Variants in JAKMIP3 observed in about 807,000 individuals in gnomAD.
The protein encoded by JAKMIP3 is Janus kinase and microtubule interacting protein 3, also known as janus kinase and microtubule-interacting protein 3.
In JAKMIP3, 58 loss-of-function variants were observed where a neutral mutation model predicts 118.5. The observed-to-expected ratio is 0.49, with a 90% CI of 0.40 to 0.61. The LOEUF is 0.61. Among genes scored for constraint, JAKMIP3 ranks in the 20% least tolerant of loss-of-function variants. The pLI is 0.00. For synonymous variants in JAKMIP3, 486 were observed against 451.2 expected, an observed-to-expected ratio of 1.08 and a Z score of -0.98; for missense variants, 950 against 1,109.0, an observed-to-expected ratio of 0.86 and a Z score of 2.04.
intron 9 of JAKMIP3, 65 bp downstream of exon 9, chr10:132,138,243 G>A (rs1001904084): frequency 1.1e-5 from 16 of 1,424,532 alleles, no homozygotes; most frequent in South Asian, 4.9e-5. Context: ...GACCACGCCC[G>A]CGTGTGTGGA....
rs1444508861 is a variant in JAKMIP3, at chr10:132,180,550, CGTGCATGCGT to C, written c.*1104-1803_*1104-1794del. 5.5e-3 allele frequency among the ~76,000 whole-genome samples: 35 copies of C among 6,358 alleles called. 3 individuals are homozygous for C. The highest frequency in any genetic ancestry group is 0.034 in the Admixed American group (15 of 442). The allele number at this position is 6,358 out of a possible 152,430, so 4.2% of individuals were successfully genotyped here. On this transcript the variant is annotated intron_variant, in intron 23 of 23. Coordinates refer to ENST00000684848, the MANE Select transcript of JAKMIP3 (RefSeq NM_001323087.2). The stretch of plus-strand genomic sequence containing the variant: ...GTGTGTGTGTGTGTGTGTGTGCGTG[CGTGCATGCGT>C]GTGTGTGCGTGTGTGTGTGCGTGCG...
intron 23 of JAKMIP3, among the ~76,000 whole-genome samples, chr10:132,178,431 A>C (rs1443310033): frequency 1.3e-5 from 2 of 151,044 alleles, no homozygotes; most frequent in East Asian, 3.8e-4. Context: ...TCAGAGCTTC[A>C]AGAAAAAAAT....
chr10:132,142,540 G>A (rs921803251), intron 11 of JAKMIP3, among the ~76,000 whole-genome samples: 4 of 150,996 alleles, frequency 2.6e-5, no homozygotes, highest in African/African-American at 5.0e-5. Context: ...CCCAGCAGCC[G>A]TGTCCCTCCG....
chr10:132,121,921 T>G (rs571589633), intron 3 of JAKMIP3, among the ~76,000 whole-genome samples: 1 of 152,106 alleles, frequency 6.6e-6, no homozygotes, highest in East Asian at 1.9e-4. Context: ...GAGTCCTGGG[T>G]GTTCAGCACA....
chr10:132,148,163 C>CT (rs1422679881), intron 14 of JAKMIP3, 113 bp downstream of exon 14: 4 of 371,934 alleles, frequency 1.1e-5, no homozygotes, highest in Non-Finnish European at 1.9e-5. Context: ...AACATGAACC[C>CT]AAAAGGCTGC....
At position 132,044,704 on chromosome 10, in the gene JAKMIP3, C is replaced by T. The variant is rs552937195; in HGVS notation, c.-138+7966C>T. The stretch of plus-strand genomic sequence containing the variant: ...GCGAAATACACATACAAGTCACCAT[C>T]TGAACCATTTTTAGGTGTGCGGCTC... On this transcript the variant is annotated intron_variant, in intron 1 of 23. Coordinates refer to the JAKMIP3 transcript ENST00000657785. This position sits in a 1 kb window ranked among gnomAD's most constrained non-coding sequence, Gnocchi z 5.3. Among the ~76,000 whole-genome samples the T allele has an allele frequency of 1.3e-5, 2 of 152,256 alleles. No homozygotes were observed. Among genetic ancestry groups the T allele is most frequent in the South Asian group, 4.2e-4 (2 of 4,816 alleles).
chr10:132,152,444 C>G (rs1415939560), intron 16 of JAKMIP3, among the ~76,000 whole-genome samples: 1 of 152,198 alleles, frequency 6.6e-6, no homozygotes, highest in Non-Finnish European at 1.5e-5. Context: ...CCCAGGGGCC[C>G]CTCGGTTGGG....
rs1372310379 is a variant in JAKMIP3 at position 132,044,703 on chromosome 10, T to C, written c.-138+7965T>C. Among the ~76,000 whole-genome samples, 1 of 152,120 alleles carries C rather than the reference T, an allele frequency of 6.6e-6. No individual in the cohort carries two copies. The highest frequency in any genetic ancestry group is 6.5e-5 in the Admixed American group (1 of 15,268). ...GGCGAAATACACATACAAGTCACCA[T>C]CTGAACCATTTTTAGGTGTGCGGCT... On this transcript the variant is annotated intron_variant, in intron 1 of 23. Coordinates refer to the JAKMIP3 transcript ENST00000657785. This position sits in a 1 kb window ranked among gnomAD's most constrained non-coding sequence, Gnocchi z 5.3.
chr10:132,037,504 C>T (rs1011181036), intron 1 of JAKMIP3, among the ~76,000 whole-genome samples: 1 of 152,154 alleles, frequency 6.6e-6, no homozygotes, highest in African/African-American at 2.4e-5. Context: ...TTGGGGAAGC[C>T]TCCCTCCACC....
In JAKMIP3 at chr10:132,140,981, G is replaced by T. The variant is rs142066900; in HGVS notation, c.1473+402G>T. Reference sequence around the variant, plus strand: ...GTCTCAGTGCCAAGAGCACATTAGGGTGAGGGGTGTTGAGCAGGAGTTTTC... The same window carrying T: ...GTCTCAGTGCCAAGAGCACATTAGGTTGAGGGGTGTTGAGCAGGAGTTTTC... On this transcript the variant is annotated intron_variant, in intron 10 of 23. Coordinates refer to ENST00000684848, the MANE Select transcript of JAKMIP3 (RefSeq NM_001323087.2). 5.3e-4 allele frequency among the ~76,000 whole-genome samples: 80 copies of T among 152,346 alleles called. No homozygotes were observed. In the East Asian group the frequency reaches 0.015, roughly 29 times the overall value.
chr10:132,059,382 G>A (rs1479905361), intron 1 of JAKMIP3, among the ~76,000 whole-genome samples: 1 of 152,250 alleles, frequency 6.6e-6, no homozygotes, highest in Non-Finnish European at 1.5e-5. Context: ...CCATTTTATT[G>A]GAGATGAAGG....
intron 20 of JAKMIP3, 78 bp downstream of exon 20, chr10:132,163,490 G>A (rs1231406877): frequency 1.9e-5 from 25 of 1,318,224 alleles, no homozygotes; most frequent in Non-Finnish European, 1.8e-5. Flanking sequence ...TCCTCCCACG[G>A]CCACACCTCC....
chr10:132,166,685 G>A (rs1017248336), intron 21 of JAKMIP3, among the ~76,000 whole-genome samples: 2 of 152,220 alleles, frequency 1.3e-5, no homozygotes, highest in Non-Finnish European at 2.9e-5. Context: ...CAGTCCCCGG[G>A]AGGCTGGCCT....
At chr10:132,095,600 A>G (rs941382588) in intron 1 of JAKMIP3, among the ~76,000 whole-genome samples, 5 of 152,172 alleles carry the variant, frequency 3.3e-5, no homozygotes, top group Admixed American at 1.3e-4. Flanking sequence ...TGCTACCTTC[A>G]GAGGGTCTGG....
chr10:132,085,917 G>A (rs2042340997), intron 1 of JAKMIP3, among the ~76,000 whole-genome samples: 3 of 151,964 alleles, frequency 2.0e-5, no homozygotes, highest in Non-Finnish European at 2.9e-5. Context: ...GCTGGGTTTG[G>A]GTTTGGTTTG....
rs2055806455 is a variant in JAKMIP3 at position 132,150,135 on chromosome 10, G to GCCCTGCCATGGGCCA, written c.2007+102_2007+116dup. ...CAGGAGGCCCTGCCAGCCTCCCACAGCCCTGCCATGGGCCACCCTGCCTGA... is the reference window on the plus strand; with the variant it reads ...CAGGAGGCCCTGCCAGCCTCCCACAGCCCTGCCATGGGCCACCCTGCCATGGGCCACCCTGCCTGA... On this transcript the variant is annotated intron_variant, in intron 16 of 23. Coordinates refer to ENST00000684848, the MANE Select transcript of JAKMIP3 (RefSeq NM_001323087.2). 7 of 1,000,958 alleles carry GCCCTGCCATGGGCCA rather than the reference G, an allele frequency of 7.0e-6. No individual in the cohort carries two copies. In the East Asian group the frequency reaches 2.1e-4, roughly 31 times the overall value. 62.0% of individuals were successfully genotyped at this position (1,000,958 alleles called of 1,614,324 possible).
At chr10:132,109,486 G>A (rs539342306) in intron 2 of JAKMIP3, among the ~76,000 whole-genome samples, 33 of 152,224 alleles carry the variant, frequency 2.2e-4, no homozygotes, top group African/African-American at 6.7e-4. Flanking sequence ...CTGCGCGCCC[G>A]CAGAGAGGTG....
chr10:132,177,284 G>A (rs1452145566), intron 23 of JAKMIP3, among the ~76,000 whole-genome samples: 1 of 152,252 alleles, frequency 6.6e-6, no homozygotes, highest in African/African-American at 2.4e-5. Context: ...GCATCGCTGT[G>A]GAGGCCTGTG....
At position 132,118,143 on chromosome 10, in the gene JAKMIP3, C is replaced by T. The variant is rs1192300855; in HGVS notation, c.633+569C>T. ...CCTGAGGTCCCTGTCTCTGCAGAAC[C>T]GTTGCACTTGGGCTGGACCAGATGA... On this transcript the variant is annotated intron_variant, in intron 3 of 23. Coordinates refer to ENST00000684848, the MANE Select transcript of JAKMIP3 (RefSeq NM_001323087.2). This position sits in a 1 kb window ranked among gnomAD's most constrained non-coding sequence, Gnocchi z 4.8. 6.6e-6 allele frequency among the ~76,000 whole-genome samples: 1 copy of T among 152,108 alleles called. No individual in the cohort carries two copies. The highest frequency in any genetic ancestry group is 1.9e-4 in the East Asian group (1 of 5,184).
Sources: gnomAD v4.1 joint callset for allele counts (sites outside exome capture counted in the v4.1 genomes callset) on GRCh38, gnomAD v4.1.1 for gene constraint, Gnocchi (gnomAD v3.1) non-coding constraint, MANE v1.5 for transcripts, NCBI Gene and HGNC (gene_info 2026-07-23, HGNC 2026-07-21) for gene names.